DHH: variants seen among roughly 807,000 people sequenced by gnomAD.
The protein encoded by DHH is desert hedgehog signaling molecule, also known as desert hedgehog protein.
Under a neutral mutation model 27.6 loss-of-function variants are expected in DHH, and 16 were observed. The ratio of observed to expected loss-of-function variants is 0.58; its 90% confidence interval spans 0.39 to 0.88. DHH has a LOEUF of 0.88. Among genes scored for constraint, DHH ranks in the 40% least tolerant of loss-of-function variants. DHH has a pLI of 0.00. For synonymous variants in DHH, 289 were observed against 263.4 expected (o/e 1.10, Z -0.94); for missense variants, 436 against 563.1 (o/e 0.77, Z 2.28).
rs1427903754 is a variant in DHH, at chr12:49,088,164, T to C, written c.*1695A>G. Among the ~76,000 whole-genome samples, 4 of 152,166 alleles carry C rather than the reference T, an allele frequency of 2.6e-5. No individual in the cohort carries two copies. Among genetic ancestry groups the C allele is most frequent in the Admixed American group, 2.0e-4 (3 of 15,276 alleles). On this transcript the variant is annotated 3_prime_UTR_variant, in exon 3 of 3. Coordinates refer to ENST00000649637, the MANE Select transcript of DHH (RefSeq NM_021044.4). ...GGTATACTAGTAGGGCATCTGCAGC[T>C]TCCAGGAACCACAGAGCTAAACTAG...
Position 49,089,832 on chromosome 12 carries a change from G to T in DHH, c.*27C>A, listed in dbSNP as rs751069023. The stretch of plus-strand genomic sequence containing the variant: ...CCAGCAGGCCCTCGTTTCCTCGGGC[G>T]CTTCGAGGTTTCTATGCCTGGGACG... On this transcript the variant is annotated 3_prime_UTR_variant, in exon 3 of 3. Coordinates refer to ENST00000649637, the MANE Select transcript of DHH (RefSeq NM_021044.4). 6.6e-7 allele frequency: 1 copy of T among 1,504,268 alleles called. No individual in the cohort carries two copies. The highest frequency in any genetic ancestry group is 2.6e-5 in the East Asian group (1 of 38,792). 93.2% of individuals were successfully genotyped at this position (1,504,268 alleles called of 1,614,324 possible). A position where few individuals can be genotyped will look rare whatever the true frequency, so the allele number is the denominator to read the frequency against.
chr12:49,094,615 G>A lies in DHH; in HGVS notation c.-103C>T, dbSNP rs1939370989. On this transcript the variant is annotated 5_prime_UTR_variant, in exon 1 of 3. Transcript: ENST00000649637. ...ACCAGAGAGGGCAGCAGGCACAGCTGCCCCCAGAGTGCCCTAGAGCTCTTG... is the reference window on the plus strand; with the variant it reads ...ACCAGAGAGGGCAGCAGGCACAGCTACCCCCAGAGTGCCCTAGAGCTCTTG... The A allele has an allele frequency of 7.4e-7, 1 of 1,346,648 alleles. No individual in the cohort carries two copies. The highest frequency in any genetic ancestry group is 1.0e-6 in the Non-Finnish European group (1 of 964,338). 83.4% of individuals were successfully genotyped at this position (1,346,648 alleles called of 1,614,324 possible). A position where few individuals can be genotyped will look rare whatever the true frequency, so the allele number is the denominator to read the frequency against.
Position 49,089,854 on chromosome 12 carries a change from G to T in DHH, c.*5C>A. On this transcript the variant is annotated 3_prime_UTR_variant, in exon 3 of 3. Transcript: ENST00000649637. ...GGCGCTTCGAGGTTTCTATGCCTGGGACGCTCAGCCCAGTAGCTCCTCCGC... is the reference window on the plus strand; with the variant it reads ...GGCGCTTCGAGGTTTCTATGCCTGGTACGCTCAGCCCAGTAGCTCCTCCGC... 6.5e-7 allele frequency: 1 copy of T among 1,537,218 alleles called. No homozygotes were observed. The highest frequency in any genetic ancestry group is 8.8e-7 in the Non-Finnish European group (1 of 1,137,800).
Position 49,090,279 on chromosome 12 carries a change from C to T in DHH, c.771G>A (p.Glu257=). ...ACAGTTTGCGTGGAGGCCACTCGGT[C>T]TCCACAGCCACAAATGAAGCCCGGC... is the stretch of plus-strand genomic sequence containing the variant. The part of the protein sequence containing the change: ...LQRRASFVAV[E]TEWPPRKLLL... Residue 257 remains glutamate, a synonymous_variant, in exon 3 of 3, where the codon GAG becomes GAA. Transcript: ENST00000649637. This position sits in a 1 kb window ranked among gnomAD's most constrained non-coding sequence, Gnocchi z 5.2. 1.3e-6 allele frequency: 2 copies of T among 1,579,098 alleles called. No homozygotes were observed. Among genetic ancestry groups the T allele is most frequent in the South Asian group, 2.3e-5 (2 of 86,490 alleles).
At chr12:49,093,263 A>T (rs1331402804) in intron 1 of DHH, 1 of 152,176 alleles carries the variant, frequency 6.6e-6, no homozygotes, top group Non-Finnish European at 1.5e-5. Context: ...AACATTCAAG[A>T]TCACTGGCCA....
Position 49,094,615 on chromosome 12 carries a change from GC to G in DHH, c.-104del. ...ACCAGAGAGGGCAGCAGGCACAGCTGCCCCCAGAGTGCCCTAGAGCTCTTGT... is the reference window on the plus strand; with the variant it reads ...ACCAGAGAGGGCAGCAGGCACAGCTGCCCCAGAGTGCCCTAGAGCTCTTGT... On this transcript the variant is annotated 5_prime_UTR_variant, in exon 1 of 3. Coordinates refer to ENST00000649637, the MANE Select transcript of DHH (RefSeq NM_021044.4). 1 of 1,346,642 alleles carries G rather than the reference GC, an allele frequency of 7.4e-7. No homozygotes were observed. Among genetic ancestry groups the G allele is most frequent in the Non-Finnish European group, 1.0e-6 (1 of 964,332 alleles). 83.4% of individuals were successfully genotyped at this position (1,346,642 alleles called of 1,614,324 possible).
chr12:49,086,981 C>T lies in DHH; in HGVS notation c.*2878G>A, dbSNP rs750278362. Among the ~76,000 whole-genome samples, 30 of 152,150 alleles carry T rather than the reference C, an allele frequency of 2.0e-4. No homozygotes were observed. Among genetic ancestry groups the T allele is most frequent in the Non-Finnish European group, 3.5e-4 (24 of 68,034 alleles). ...CAAAGAATAGAAAACATTTACTGAGCGCCTACTCCACATCCAGCACAATCC... is the reference window on the plus strand; with the variant it reads ...CAAAGAATAGAAAACATTTACTGAGTGCCTACTCCACATCCAGCACAATCC... On this transcript the variant is annotated 3_prime_UTR_variant, in exon 3 of 3. Transcript: ENST00000649637.
rs1480612338 is a variant in DHH at position 49,090,416 on chromosome 12, C to T, written c.634G>A (p.Glu212Lys). Residue 212 changes from glutamate (E) to lysine (K), a missense_variant, in exon 3 of 3, where the codon GAG (glutamate) becomes AAG (lysine). By Grantham distance (56) the Glu-to-Lys change is moderately conservative. Coordinates refer to ENST00000649637, the MANE Select transcript of DHH (RefSeq NM_021044.4). This position sits in a 1 kb window ranked among gnomAD's most constrained non-coding sequence, Gnocchi z 5.2. ...GNATVRLWSG[E>K]RKGLRELHRG... ...TGCAGTTCCCGCAGCCCTTTCCGCT[C>T]GCCGCTCCACAGGCGCACAGTTGCA... 1.2e-5 allele frequency: 19 copies of T among 1,609,448 alleles called. No individual in the cohort carries two copies. Among genetic ancestry groups the T allele is most frequent in the Non-Finnish European group, 1.6e-5 (19 of 1,179,172 alleles).
In DHH at chr12:49,086,710, A is replaced by G. The variant is rs1046917479; in HGVS notation, c.*3149T>C. On this transcript the variant is annotated 3_prime_UTR_variant, in exon 3 of 3. Coordinates refer to ENST00000649637, the MANE Select transcript of DHH (RefSeq NM_021044.4). Reference sequence around the variant, plus strand: ...CTTCTTCAGAAAAGTAGTTTCAGGCACTACCTGGAACCCCATTATGCTTTC... The same window carrying G: ...CTTCTTCAGAAAAGTAGTTTCAGGCGCTACCTGGAACCCCATTATGCTTTC... 2.0e-5 allele frequency among the ~76,000 whole-genome samples: 3 copies of G among 152,206 alleles called. No individual in the cohort carries two copies. Among genetic ancestry groups the G allele is most frequent in the African/African-American group, 7.2e-5 (3 of 41,452 alleles).
chr12:49,094,188 G>A (rs906713304), intron 1 of DHH, 22 bp downstream of exon 1: 3 of 1,613,016 alleles, frequency 1.9e-6, no homozygotes, highest in Admixed American at 1.7e-5. Flanking sequence ...CCCCGGCGCA[G>A]GTAGGGAGAG....
Position 49,090,514 on chromosome 12 carries a change from A to G in DHH, c.566-30T>C. 1 of 1,595,206 alleles carries G rather than the reference A, an allele frequency of 6.3e-7. No individual in the cohort carries two copies. Among genetic ancestry groups the G allele is most frequent in the Non-Finnish European group, 8.5e-7 (1 of 1,178,938 alleles). On this transcript the variant is annotated intron_variant, in intron 2 of 2. Transcript: ENST00000649637. The surrounding 1 kb of genome is among the most constrained non-coding windows in gnomAD (Gnocchi z 5.2). ...AGGGAACAACCACAGGGAGGATTGA[A>G]TCAAGACCAGCGGTTCCAGAACGAT...
At chr12:49,094,010 C>T (rs1325473414) in intron 1 of DHH, among the ~76,000 whole-genome samples, 200 bp downstream of exon 1, 1 of 152,212 alleles carries the variant, frequency 6.6e-6, no homozygotes, top group Non-Finnish European at 1.5e-5. Flanking sequence ...CCCTCCCCAT[C>T]CCAGACTATT....
rs577168989 is a variant in DHH, at chr12:49,090,699, G to C, written c.566-215C>G. 6.7e-6 allele frequency among the ~76,000 whole-genome samples: 1 copy of C among 150,046 alleles called. No homozygotes were observed. The highest frequency in any genetic ancestry group is 1.5e-5 in the Non-Finnish European group (1 of 67,282). On this transcript the variant is annotated intron_variant, in intron 2 of 2. Coordinates refer to ENST00000649637, the MANE Select transcript of DHH (RefSeq NM_021044.4). The surrounding 1 kb of genome is among the most constrained non-coding windows in gnomAD (Gnocchi z 5.2). ...TGTATGTATGTATGTATGTATGTATGTATGTATGTATGTATTTTGAGATAG... is the reference window on the plus strand; with the variant it reads ...TGTATGTATGTATGTATGTATGTATCTATGTATGTATGTATTTTGAGATAG...
At position 49,088,746 on chromosome 12, in the gene DHH, A is replaced by C. The variant is rs1274581086; in HGVS notation, c.*1113T>G. Among the ~76,000 whole-genome samples, 1 of 152,170 alleles carries C rather than the reference A, an allele frequency of 6.6e-6. No individual in the cohort carries two copies. Among genetic ancestry groups the C allele is most frequent in the African/African-American group, 2.4e-5 (1 of 41,444 alleles). ...GAGGCGCTGAAGACCAAGCCAGTAG[A>C]AACAACAATCAGGGCCAGCGATCAG... On this transcript the variant is annotated 3_prime_UTR_variant, in exon 3 of 3. Coordinates refer to ENST00000649637, the MANE Select transcript of DHH (RefSeq NM_021044.4).
chr12:49,090,054 C>G lies in DHH; in HGVS notation c.996G>C (p.Gly332=), dbSNP rs887655646. The G allele has an allele frequency of 6.5e-7, 1 of 1,542,696 alleles. No individual in the cohort carries two copies. The highest frequency in any genetic ancestry group is 8.7e-7 in the Non-Finnish European group (1 of 1,145,260). ...VGVFAPLTAH[G]TLLVNDVLAS... ...CCAGGACATCGTTCACCAGCAGCGT[C>G]CCGTGCGCGGTGAGCGGCGCGAACA... The change falls in exon 3 of 3, where the codon GGG becomes GGC. Residue 332 remains glycine (G), a synonymous_variant. Transcript: ENST00000649637. The surrounding 1 kb of genome is among the most constrained non-coding windows in gnomAD (Gnocchi z 5.2).
chr12:49,089,125 C>G lies in DHH; in HGVS notation c.*734G>C, dbSNP rs1222909671. Among the ~76,000 whole-genome samples the G allele has an allele frequency of 6.6e-6, 1 of 152,226 alleles. No individual in the cohort carries two copies. The highest frequency in any genetic ancestry group is 2.4e-5 in the African/African-American group (1 of 41,452). On this transcript the variant is annotated 3_prime_UTR_variant, in exon 3 of 3. Transcript: ENST00000649637. ...AGGGGCCTGAGCCCCTGCTGGAGCCCCTATAAACAGAGAAGAGGTGTGCAC... is the reference window on the plus strand; with the variant it reads ...AGGGGCCTGAGCCCCTGCTGGAGCCGCTATAAACAGAGAAGAGGTGTGCAC...
Position 49,090,247 on chromosome 12 carries a change from G to T in DHH, c.803C>A (p.Thr268Lys). Reference protein sequence around the residue: ...TEWPPRKLLLTPWHLVFAARG... With the variant: ...TEWPPRKLLLKPWHLVFAARG... ...AGCGGCAAACACCAGGTGCCAGGGC[G>T]TGAGCAACAGTTTGCGTGGAGGCCA... is the stretch of plus-strand genomic sequence containing the variant. Residue 268 changes from threonine to lysine, a missense_variant, in exon 3 of 3, where the codon ACG becomes AAG. Transcript: ENST00000649637. The surrounding 1 kb of genome is among the most constrained non-coding windows in gnomAD (Gnocchi z 5.2). 6.4e-7 allele frequency: 1 copy of T among 1,564,326 alleles called. No homozygotes were observed. Among genetic ancestry groups the T allele is most frequent in the Non-Finnish European group, 8.7e-7 (1 of 1,155,112 alleles).
Position 49,094,530 on chromosome 12 carries a change from G to T in DHH, c.-18C>A. On this transcript the variant is annotated 5_prime_UTR_variant, in exon 1 of 3. Coordinates refer to ENST00000649637, the MANE Select transcript of DHH (RefSeq NM_021044.4). Reference sequence around the variant, plus strand: ...AGAGCCATGGATACAGCGGACCTCGGCCAAAAGGGAGCGTTCTTGTCCTCA... The same window carrying T: ...AGAGCCATGGATACAGCGGACCTCGTCCAAAAGGGAGCGTTCTTGTCCTCA... The T allele has an allele frequency of 1.3e-6, 2 of 1,550,676 alleles. No individual in the cohort carries two copies. The highest frequency in any genetic ancestry group is 2.4e-5 in the East Asian group (1 of 40,944).
rs1263526807 is a variant in DHH, at chr12:49,090,943, C to A, written c.565+185G>T. 3.3e-5 allele frequency among the ~76,000 whole-genome samples: 5 copies of A among 152,196 alleles called. No individual in the cohort carries two copies. Among genetic ancestry groups the A allele is most frequent in the African/African-American group, 1.2e-4 (5 of 41,446 alleles). ...TCTCGAACTCCTGACCTCAAGTGAT[C>A]CGCCCTCCTTGGCCTCCCAAAGTGC... On this transcript the variant is annotated intron_variant, in intron 2 of 2. Transcript: ENST00000649637. This position sits in a 1 kb window ranked among gnomAD's most constrained non-coding sequence, Gnocchi z 5.2.
Sources: gnomAD v4.1 joint callset for allele counts (sites outside exome capture counted in the v4.1 genomes callset) on GRCh38, gnomAD v4.1.1 for gene constraint, Gnocchi (gnomAD v3.1) non-coding constraint, MANE v1.5 for transcripts, NCBI Gene and HGNC (gene_info 2026-07-23, HGNC 2026-07-21) for gene names.